Variants in ATP9B observed in about 807,000 individuals in gnomAD.
ATP9B encodes probable phospholipid-transporting ATPase IIB.
A neutral mutation model predicts 146.1 loss-of-function variants in ATP9B; 110 were observed. The observed-to-expected ratio is 0.75, with a 90% CI of 0.65 to 0.88. The LOEUF (loss-of-function observed/expected upper bound fraction) is 0.88. Ranked by LOEUF, ATP9B falls within the 40% of genes least tolerant of loss-of-function variation. ATP9B has a pLI of 0.00. For synonymous variants in ATP9B, 604 were observed against 569.7 expected, an observed-to-expected ratio of 1.06 and a Z score of -0.86; for missense variants, 1,499 against 1,496.4, an observed-to-expected ratio of 1.00 and a Z score of -0.03.
chr18:79,293,649 T>C (rs1013779062), intron 13 of ATP9B, among the ~76,000 whole-genome samples: 3 of 152,308 alleles, frequency 2.0e-5, no homozygotes, highest in Admixed American at 2.0e-4. Flanking sequence ...AATTCCTTTT[T>C]AAAATTAATT....
rs71161758 is a variant in ATP9B at position 79,071,889 on chromosome 18, GTT to G, written c.119+2376_119+2377del. Among the ~76,000 whole-genome samples, 538 of 91,400 alleles carry G rather than the reference GTT, an allele frequency of 5.9e-3. 4 individuals are homozygous for G. The highest frequency in any genetic ancestry group is 0.022 in the African/African-American group (426 of 19,360). 60.0% of individuals were successfully genotyped at this position (91,400 alleles called of 152,430 possible). A position where few individuals can be genotyped will look rare whatever the true frequency, so the allele number is the denominator to read the frequency against. On this transcript the variant is annotated intron_variant, in intron 1 of 29. Coordinates refer to ENST00000426216, the MANE Select transcript of ATP9B (RefSeq NM_198531.5). Reference sequence around the variant, plus strand: ...TTCTTTGGATTTCATGTTTGGTTTTGTTTTTTTTTTTTTTTTTGGTTTTCGAA... The same window carrying G: ...TTCTTTGGATTTCATGTTTGGTTTTGTTTTTTTTTTTTTTTGGTTTTCGAA...
intron 26 of ATP9B, among the ~76,000 whole-genome samples, chr18:79,365,606 C>T (rs900222168): frequency 8.6e-5 from 13 of 152,030 alleles, no homozygotes; most frequent in African/African-American, 3.1e-4. Context: ...CAACCTTGTG[C>T]CCTTCAGCCA....
chr18:79,155,175 A>T lies in ATP9B; in HGVS notation c.778+620A>T, dbSNP rs549752796. On this transcript the variant is annotated intron_variant, in intron 7 of 29. Coordinates refer to ENST00000426216, the MANE Select transcript of ATP9B (RefSeq NM_198531.5). The stretch of plus-strand genomic sequence containing the variant: ...ATACAAAAGGGAGCAACTTTCAAAG[A>T]GTTTATAGTCTTGGTGGAAGTGCAT... Among the ~76,000 whole-genome samples, 16 of 152,300 alleles carry T rather than the reference A, an allele frequency of 1.1e-4. 1 individual carries two copies. In the South Asian group the frequency reaches 3.3e-3, roughly 32 times the overall value.
Position 79,277,116 on chromosome 18 carries a change from A to C in ATP9B, c.1331A>C (p.Asn444Thr). 6.2e-7 allele frequency: 1 copy of C among 1,614,082 alleles called. No homozygotes were observed. The highest frequency in any genetic ancestry group is 8.5e-7 in the Non-Finnish European group (1 of 1,179,980). Residue 444 changes from asparagine (N) to threonine (T), a missense_variant, in exon 13 of 30, where the codon AAC (asparagine) becomes ACC (threonine). Coordinates refer to ENST00000426216, the MANE Select transcript of ATP9B (RefSeq NM_198531.5). Reference sequence around the variant, plus strand: ...GGATGGATGATGATGAAAGATGAGAACATCCCTGGCACGGTCGTTCGGACC... The same window carrying C: ...GGATGGATGATGATGAAAGATGAGACCATCCCTGGCACGGTCGTTCGGACC... ...VYGWMMMKDENIPGTVVRTST... is the reference protein window; with the variant it reads ...VYGWMMMKDETIPGTVVRTST...
intron 13 of ATP9B, among the ~76,000 whole-genome samples, chr18:79,302,365 C>T (rs993054892): frequency 2.0e-5 from 3 of 149,314 alleles, no homozygotes; most frequent in Non-Finnish European, 4.4e-5. Flanking sequence ...AAGCACCACG[C>T]GTGGCACCAC....
At chr18:79,210,811 CT>C (rs1179554595) in intron 10 of ATP9B, among the ~76,000 whole-genome samples, 1 of 152,184 alleles carries the variant, frequency 6.6e-6, no homozygotes, top group African/African-American at 2.4e-5. Flanking sequence ...CTAACGGTAT[CT>C]AGCAGGTTTT....
chr18:79,091,349 T>C (rs2074301561), intron 1 of ATP9B, among the ~76,000 whole-genome samples: 1 of 152,216 alleles, frequency 6.6e-6, no homozygotes, highest in Non-Finnish European at 1.5e-5. Flanking sequence ...AGGGATTGCA[T>C]TGAATCTGTA....
intron 13 of ATP9B, among the ~76,000 whole-genome samples, chr18:79,289,995 G>T (rs1014769748): frequency 6.6e-6 from 1 of 152,040 alleles, no homozygotes; most frequent in Non-Finnish European, 1.5e-5. Context: ...AGGAGTACCC[G>T]GCTGTGTGAG....
chr18:79,113,441 C>T lies in ATP9B; in HGVS notation c.558+87C>T, dbSNP rs144571600. The T allele has an allele frequency of 2.1e-4, 185 of 864,218 alleles. No homozygotes were observed. In the African/African-American group the frequency reaches 3.0e-3, roughly 14 times the overall value. 53.5% of individuals were successfully genotyped at this position (864,218 alleles called of 1,614,324 possible). A position where few individuals can be genotyped will look rare whatever the true frequency, so the allele number is the denominator to read the frequency against. On this transcript the variant is annotated intron_variant, in intron 4 of 29. Transcript: ENST00000426216. ...TTGAGATGGTTAAAAGTTAAATTGA[C>T]CAGATTTTTAAAACATGGTGTTGTA...
intron 5 of ATP9B, among the ~76,000 whole-genome samples, chr18:79,133,560 C>T (rs2094409495): frequency 6.6e-6 from 1 of 151,948 alleles, no homozygotes; most frequent in Non-Finnish European, 1.5e-5. Context: ...GGTAGATACA[C>T]TCAGGTGTGG....
chr18:79,329,401 A>G (rs1220951322), intron 16 of ATP9B, 99 bp downstream of exon 16: 28 of 1,321,154 alleles, frequency 2.1e-5, no homozygotes, highest in Non-Finnish European at 2.7e-5. Context: ...ACATTTACTC[A>G]GGTGCTTTAT....
intron 8 of ATP9B, among the ~76,000 whole-genome samples, chr18:79,182,304 C>T (rs1347367775): frequency 6.6e-6 from 1 of 152,134 alleles, no homozygotes; most frequent in African/African-American, 2.4e-5. Flanking sequence ...CTCCTCCGGC[C>T]GGACATACTC....
chr18:79,249,079 T>TA (rs57366646), intron 11 of ATP9B, among the ~76,000 whole-genome samples: 1,685 of 141,676 alleles, frequency 0.012, 13 homozygotes, highest in Non-Finnish European at 0.014. Context: ...AGCATTCATT[T>TA]AAAAAAAAAA....
Position 79,320,060 on chromosome 18 carries a change from C to T in ATP9B, c.1774-9081C>T, listed in dbSNP as rs1024266565. ...CCTGGAGAGTCCTGACACGGAGTGC[C>T]GAGAACGTGCCCATTTATGGTTTTG... On this transcript the variant is annotated intron_variant, in intron 15 of 29. Transcript: ENST00000426216. Among the ~76,000 whole-genome samples, 6 of 152,200 alleles carry T rather than the reference C, an allele frequency of 3.9e-5. No individual in the cohort carries two copies. The South Asian group carries it at 1.0e-3, about 26-fold the overall frequency.
chr18:79,342,882 T>G (rs1035939017), intron 20 of ATP9B, among the ~76,000 whole-genome samples: 1 of 152,202 alleles, frequency 6.6e-6, no homozygotes, highest in Non-Finnish European at 1.5e-5. Flanking sequence ...AAATACAAAA[T>G]AGAAATGTGT....
At chr18:79,165,093 G>A (rs569192619) in intron 7 of ATP9B, among the ~76,000 whole-genome samples, 1 of 152,176 alleles carries the variant, frequency 6.6e-6, no homozygotes. Context: ...TGACACTCAT[G>A]ACAGGCTTTC....
At chr18:79,320,972 C>T (rs1187937508) in intron 15 of ATP9B, among the ~76,000 whole-genome samples, 1 of 152,178 alleles carries the variant, frequency 6.6e-6, no homozygotes, top group East Asian at 1.9e-4. Context: ...ATCTCTCAAA[C>T]ATCTTTAGGA....
chr18:79,253,999 C>T (rs368049234), intron 12 of ATP9B: 3 of 152,406 alleles, frequency 2.0e-5, no homozygotes, highest in African/African-American at 7.3e-5. Context: ...AGAATGTTAA[C>T]CTATATTATA....
At chr18:79,103,269 T>G (rs1441524409) in intron 2 of ATP9B, among the ~76,000 whole-genome samples, 1 of 136,680 alleles carries the variant, frequency 7.3e-6, no homozygotes, top group Non-Finnish European at 1.5e-5. Flanking sequence ...TATTTGTAGT[T>G]TTTTTTTTTT....
Sources: allele counts gnomAD v4.1 joint callset (sites outside exome capture counted in the v4.1 genomes callset), GRCh38; gene constraint gnomAD v4.1.1; transcripts MANE v1.5; gene names NCBI Gene and HGNC (gene_info 2026-07-23, HGNC 2026-07-21).